Variants in GABRB2 observed in about 807,000 individuals in gnomAD.
GABRB2 encodes gamma-aminobutyric acid type A receptor subunit beta2.
A neutral mutation model predicts 54.7 loss-of-function variants in GABRB2; 16 were observed. The ratio of observed to expected loss-of-function variants is 0.29; its 90% confidence interval spans 0.20 to 0.44. GABRB2 has a LOEUF of 0.44. GABRB2 is among the 20% of genes least tolerant of loss of function. The pLI is 1.00. For synonymous variants in GABRB2, 244 were observed against 233.8 expected (o/e 1.04, Z -0.40); for missense variants, 355 against 644.0 (o/e 0.55, Z 4.86).
rs534469690 is a variant in GABRB2, at chr5:161,289,713, G to A, written c.*4368C>T. The A allele has an allele frequency of 9.9e-4, 150 of 151,974 alleles. No homozygotes were observed. The highest frequency in any genetic ancestry group is 3.4e-3 in the African/African-American group (141 of 41,436). The allele number at this position is 151,974 out of a possible 1,614,324, so 9.4% of individuals were successfully genotyped here. On this transcript the variant is annotated 3_prime_UTR_variant, in exon 10 of 10. Transcript: ENST00000393959. The stretch of plus-strand genomic sequence containing the variant: ...AAGGCTATCTCTTGTTTGTTATATT[G>A]ACTACATAAATAGTAGAGTGTTTCC...
chr5:161,515,125 A>C (rs1440772325), intron 3 of GABRB2, among the ~76,000 whole-genome samples: 1 of 152,188 alleles, frequency 6.6e-6, no homozygotes, highest in Middle Eastern at 3.2e-3. Context: ...GTTAAGCAAA[A>C]TAAACCCTGT....
At chr5:161,491,917 C>T (rs1029052299) in intron 3 of GABRB2, among the ~76,000 whole-genome samples, 3 of 151,544 alleles carry the variant, frequency 2.0e-5, no homozygotes, top group African/African-American at 7.3e-5. Flanking sequence ...TCTGTCAAGT[C>T]TTGATAACCT....
chr5:161,462,266 T>C (rs6869521), intron 3 of GABRB2, among the ~76,000 whole-genome samples: 20,979 of 152,174 alleles, frequency 0.14, 1,532 homozygotes, highest in East Asian at 0.2. Flanking sequence ...AAGAATTAGT[T>C]TGAGGATCTC....
intron 5 of GABRB2, among the ~76,000 whole-genome samples, chr5:161,402,731 A>G (rs556104747): frequency 2.0e-5 from 3 of 152,292 alleles, no homozygotes; most frequent in Admixed American, 2.0e-4. Context: ...AGAAATGCAC[A>G]TTCTCAGACC....
At chr5:161,409,289 G>A (rs534570255) in intron 5 of GABRB2, among the ~76,000 whole-genome samples, 99 of 151,940 alleles carry the variant, frequency 6.5e-4, no homozygotes, top group African/African-American at 1.1e-3. Context: ...TTGTAAAGAC[G>A]GAAATATTAA....
chr5:161,405,746 A>AATCT (rs1756331479), intron 5 of GABRB2, among the ~76,000 whole-genome samples: 1 of 152,100 alleles, frequency 6.6e-6, no homozygotes, highest in Non-Finnish European at 1.5e-5. Flanking sequence ...AATATTAGTG[A>AATCT]ATCTATAGCA....
chr5:161,375,169 T>C (rs1328789408), intron 5 of GABRB2, among the ~76,000 whole-genome samples: 2 of 152,186 alleles, frequency 1.3e-5, no homozygotes, highest in African/African-American at 4.8e-5. Flanking sequence ...CAGCCCACAG[T>C]AAGCATTCAA....
At chr5:161,544,109 G>A (rs996643589) in intron 3 of GABRB2, among the ~76,000 whole-genome samples, 1 of 152,122 alleles carries the variant, frequency 6.6e-6, no homozygotes, top group Non-Finnish European at 1.5e-5. Context: ...TGGGAATATG[G>A]AAATTTATAT....
intron 5 of GABRB2, among the ~76,000 whole-genome samples, chr5:161,370,897 G>C (rs1755111313): frequency 6.6e-6 from 1 of 152,148 alleles, no homozygotes; most frequent in Non-Finnish European, 1.5e-5. Context: ...TTACGTTTTG[G>C]AAAAGTCAGC....
rs1362393459 is a variant in GABRB2, at chr5:161,459,373, C to T, written c.458+251G>A. ...ATTTTGATATTCTTTATCCCTAGTCCTTAAAGAAAGCAGCTTTAGGATCAG... is the reference window on the plus strand; with the variant it reads ...ATTTTGATATTCTTTATCCCTAGTCTTTAAAGAAAGCAGCTTTAGGATCAG... On this transcript the variant is annotated intron_variant, in intron 4 of 9. Coordinates refer to ENST00000393959, the MANE Select transcript of GABRB2 (RefSeq NM_001371727.1). The T allele has an allele frequency of 7.7e-6, 4 of 518,088 alleles. No individual in the cohort carries two copies. In the Admixed American group the frequency reaches 1.3e-4, roughly 17 times the overall value. 32.1% of individuals were successfully genotyped at this position (518,088 alleles called of 1,614,324 possible). A position where few individuals can be genotyped will look rare whatever the true frequency, so the allele number is the denominator to read the frequency against.
intron 5 of GABRB2, among the ~76,000 whole-genome samples, chr5:161,350,012 C>A (rs185776953): frequency 1.3e-5 from 2 of 151,134 alleles, no homozygotes; most frequent in African/African-American, 4.9e-5. Flanking sequence ...AATAACAAAC[C>A]TTTTCATAAT....
intron 9 of GABRB2, among the ~76,000 whole-genome samples, chr5:161,305,517 C>A (rs1354697599): frequency 6.6e-6 from 1 of 152,130 alleles, no homozygotes; most frequent in Non-Finnish European, 1.5e-5. Context: ...AGTTTTAACA[C>A]CTGTGAGCTT....
At chr5:161,443,558 G>A (rs1029040620) in intron 4 of GABRB2, among the ~76,000 whole-genome samples, 1 of 152,170 alleles carries the variant, frequency 6.6e-6, no homozygotes, top group African/African-American at 2.4e-5. Flanking sequence ...CAGAGTTTGA[G>A]GTTCCCCAAA....
chr5:161,546,795 C>T, upstream of GABRB2: 3 of 1,362,492 alleles, frequency 2.2e-6, no homozygotes, highest in South Asian at 3.4e-5. Flanking sequence ...GAGCAGATTT[C>T]CTTGTTTAAA....
intron 5 of GABRB2, among the ~76,000 whole-genome samples, chr5:161,356,287 A>G (rs764867992): frequency 5.3e-5 from 8 of 152,168 alleles, no homozygotes; most frequent in Non-Finnish European, 1.2e-4. Context: ...AAGTAGCAAC[A>G]TTATCTCCAA....
rs2113327775 is a variant in GABRB2 at position 161,291,089 on chromosome 5, T to G, written c.*2992A>C. Reference sequence around the variant, plus strand: ...CAAACACATGATTATGTTGCATGAGTTTTCAACTCTGAAATGCATTTCATA... The same window carrying G: ...CAAACACATGATTATGTTGCATGAGGTTTCAACTCTGAAATGCATTTCATA... On this transcript the variant is annotated 3_prime_UTR_variant, in exon 10 of 10. Transcript: ENST00000393959. 6.6e-6 allele frequency: 1 copy of G among 152,520 alleles called. No homozygotes were observed. The highest frequency in any genetic ancestry group is 2.4e-5 in the African/African-American group (1 of 41,496). 9.4% of individuals were successfully genotyped at this position (152,520 alleles called of 1,614,324 possible). A position where few individuals can be genotyped will look rare whatever the true frequency, so the allele number is the denominator to read the frequency against.
intron 3 of GABRB2, among the ~76,000 whole-genome samples, chr5:161,538,548 G>A (rs566534820): frequency 4.6e-5 from 7 of 152,236 alleles, no homozygotes; most frequent in East Asian, 1.9e-4. Context: ...CTACCTGGGC[G>A]GTGGTGGCTC....
chr5:161,530,846 C>A (rs1021458145), intron 3 of GABRB2, among the ~76,000 whole-genome samples: 1 of 152,078 alleles, frequency 6.6e-6, no homozygotes, highest in Non-Finnish European at 1.5e-5. Flanking sequence ...TGTGAGCATT[C>A]TCTCAAGGCA....
intron 5 of GABRB2, among the ~76,000 whole-genome samples, chr5:161,389,267 T>TTTAG (rs1310070492): frequency 6.6e-6 from 1 of 152,086 alleles, no homozygotes; most frequent in East Asian, 1.9e-4. Flanking sequence ...GATGGTTCAG[T>TTTAG]TTAGTAGGTG....
Sources: allele counts gnomAD v4.1 joint callset (sites outside exome capture counted in the v4.1 genomes callset), GRCh38; gene constraint gnomAD v4.1.1; transcripts MANE v1.5; gene names NCBI Gene and HGNC (gene_info 2026-07-23, HGNC 2026-07-21).